CNIH3: variants seen among roughly 807,000 people sequenced by gnomAD.
The protein encoded by CNIH3 is cornichon family AMPA receptor auxiliary protein 3, also known as protein cornichon homolog 3.
In CNIH3, 14 loss-of-function variants were observed where a neutral mutation model predicts 24.1. That is an observed-to-expected ratio of 0.58 (90% CI 0.38 to 0.91). The LOEUF (loss-of-function observed/expected upper bound fraction) is 0.91. Among genes scored for constraint, CNIH3 ranks in the 40% least tolerant of loss-of-function variants. CNIH3 has a pLI of 0.00. For missense variants in CNIH3, 178 were observed against 196.8 expected (o/e 0.90, Z 0.57); for synonymous variants, 68 against 73.8 (o/e 0.92, Z 0.40).
At chr1:224,591,081 A>G (rs1326812939), downstream of CNIH3, among the ~76,000 whole-genome samples, 1 of 150,918 alleles carries the variant, frequency 6.6e-6, no homozygotes, top group East Asian at 1.9e-4. Context: ...TACCTTTCTA[A>G]GTATATTTCC....
intron 5 of CNIH3, among the ~76,000 whole-genome samples, chr1:224,737,660 C>T (rs1335204517): frequency 5.3e-5 from 8 of 152,182 alleles, no homozygotes; most frequent in Admixed American, 5.2e-4. Context: ...ACCCACACAA[C>T]AGCGGGGAAG....
chr1:224,579,363 C>T (rs192747013), intron 4 of CNIH3, among the ~76,000 whole-genome samples: 298 of 152,252 alleles, frequency 2.0e-3, no homozygotes, highest in Non-Finnish European at 3.4e-3. Flanking sequence ...ATTGGAAACT[C>T]TGAGCATGTT....
intron 2 of CNIH3, among the ~76,000 whole-genome samples, chr1:224,544,513 A>G (rs1679629609): frequency 6.6e-6 from 1 of 152,216 alleles, no homozygotes; most frequent in Admixed American, 6.5e-5. Context: ...TTTTTAAAAT[A>G]GGGAGTTCAA....
chr1:224,489,131 ATTT>A (rs989319753), intron 1 of CNIH3, among the ~76,000 whole-genome samples: 17 of 151,150 alleles, frequency 1.1e-4, no homozygotes, highest in South Asian at 2.1e-4. Context: ...TCTGAAGAGT[ATTT>A]TTCTTCTTTT....
chr1:224,483,585 C>T (rs1035016570), intron 1 of CNIH3, among the ~76,000 whole-genome samples: 9 of 150,364 alleles, frequency 6.0e-5, no homozygotes, highest in South Asian at 2.1e-4. Context: ...TTAGTAGAGA[C>T]GAGGTCTCAC....
chr1:224,730,915 A>G (rs914503160), intron 4 of CNIH3, among the ~76,000 whole-genome samples: 1 of 152,262 alleles, frequency 6.6e-6, no homozygotes, highest in African/African-American at 2.4e-5. Flanking sequence ...ACAATGGAAT[A>G]CTATTTGTCA....
chr1:224,453,289 C>A (rs1481294594), intron 1 of CNIH3, among the ~76,000 whole-genome samples: 1 of 152,048 alleles, frequency 6.6e-6, no homozygotes, highest in Non-Finnish European at 1.5e-5. Flanking sequence ...TCCAGTCCTT[C>A]CAGCTTCGCC....
At chr1:224,734,000 C>T (rs1433778736) in intron 4 of CNIH3, among the ~76,000 whole-genome samples, 7 of 152,352 alleles carry the variant, frequency 4.6e-5, no homozygotes, top group African/African-American at 7.2e-5. Context: ...TTCCCACCTA[C>T]GTTCTTTCAC....
chr1:224,632,234 A>G (rs1683857031), intron 1 of CNIH3, among the ~76,000 whole-genome samples: 1 of 152,184 alleles, frequency 6.6e-6, no homozygotes, highest in Non-Finnish European at 1.5e-5. Context: ...GAGGAGCTAC[A>G]TATCCGGGCC....
chr1:224,689,985 TGC>T (rs1275344672), intron 3 of CNIH3, among the ~76,000 whole-genome samples: 1 of 152,086 alleles, frequency 6.6e-6, no homozygotes, highest in Non-Finnish European at 1.5e-5. Context: ...TTGGTGTGAC[TGC>T]CGCTTTTGGG....
intron 1 of CNIH3, among the ~76,000 whole-genome samples, chr1:224,469,899 G>A (rs1438099447): frequency 6.6e-6 from 1 of 151,798 alleles, no homozygotes; most frequent in African/African-American, 2.4e-5. Flanking sequence ...TGGTAGTGAT[G>A]AATTCTGCCA....
intron 3 of CNIH3, among the ~76,000 whole-genome samples, chr1:224,608,777 T>C (rs1004513661): frequency 6.6e-6 from 1 of 152,228 alleles, no homozygotes; most frequent in African/African-American, 2.4e-5. Context: ...TGGGGTGGGC[T>C]GTCCACATGC....
chr1:224,517,173 G>T (rs1194869384), intron 1 of CNIH3, among the ~76,000 whole-genome samples: 1 of 152,120 alleles, frequency 6.6e-6, no homozygotes, highest in East Asian at 1.9e-4. Context: ...TGACCTGATG[G>T]AGGTTGGCGG....
chr1:224,498,692 G>A (rs866582959), intron 1 of CNIH3, among the ~76,000 whole-genome samples: 7 of 152,216 alleles, frequency 4.6e-5, no homozygotes, highest in Middle Eastern at 6.3e-3. Context: ...GAGTGTGCCT[G>A]TGGGAAAGAA....
At chr1:224,527,135 C>T (rs1478998820) in intron 2 of CNIH3, among the ~76,000 whole-genome samples, 3 of 152,148 alleles carry the variant, frequency 2.0e-5, no homozygotes, top group Non-Finnish European at 4.4e-5. Flanking sequence ...AGCGTGAGTG[C>T]TCACTGTGTG....
rs1232827439 is a variant in CNIH3 at position 224,450,020 on chromosome 1, A to G, written n.203+15158A>G. ...ATTATACACGCACACACACACACACACACGCACACACATACATATATGTAT... is the reference window on the plus strand; with the variant it reads ...ATTATACACGCACACACACACACACGCACGCACACACATACATATATGTAT... On this transcript the variant is annotated intron_variant and non_coding_transcript_variant, in intron 1 of 5. Coordinates refer to the CNIH3 transcript ENST00000471578. 4.6e-5 allele frequency among the ~76,000 whole-genome samples: 7 copies of G among 151,914 alleles called. No homozygotes were observed. The East Asian group carries it at 1.4e-3, about 29-fold the overall frequency.
chr1:224,547,834 C>A (rs1181935848), intron 3 of CNIH3, among the ~76,000 whole-genome samples: 1 of 151,712 alleles, frequency 6.6e-6, no homozygotes, highest in Non-Finnish European at 1.5e-5. Flanking sequence ...TTTGTAATAT[C>A]TAAAGAAGAT....
intron 1 of CNIH3, among the ~76,000 whole-genome samples, chr1:224,461,932 G>A (rs1286125640): frequency 6.6e-6 from 1 of 152,070 alleles, no homozygotes; most frequent in Non-Finnish European, 1.5e-5. Flanking sequence ...CTTTCACTTA[G>A]CACAGTGTTT....
Position 224,606,020 on chromosome 1 carries a change from C to T in CNIH3, n.402+39756C>T, listed in dbSNP as rs144032582. ...CGTTTACTCAGCTCACAGCTCTCAA[C>T]GCCTCTCAGGAAGGGGAACATGTAG... is the stretch of plus-strand genomic sequence containing the variant. On this transcript the variant is annotated intron_variant and non_coding_transcript_variant, in intron 3 of 7. Transcript: ENST00000478120. Among the ~76,000 whole-genome samples, 642 of 152,284 alleles carry T rather than the reference C, an allele frequency of 4.2e-3. 4 individuals are homozygous for T. The highest frequency in any genetic ancestry group is 0.015 in the African/African-American group (608 of 41,560).
Sources: gnomAD v4.1 joint callset for allele counts (sites outside exome capture counted in the v4.1 genomes callset) on GRCh38, gnomAD v4.1.1 for gene constraint, MANE v1.5 for transcripts, NCBI Gene and HGNC (gene_info 2026-07-23, HGNC 2026-07-21) for gene names.